Variants in AFF3 observed in about 807,000 individuals in gnomAD.
AFF3 encodes AF4/FMR2 family member 3.
A neutral mutation model predicts 129.7 loss-of-function variants in AFF3; 32 were observed. The ratio of observed to expected loss-of-function variants is 0.25; its 90% confidence interval spans 0.19 to 0.33. The LOEUF is 0.33. Among genes scored for constraint, AFF3 ranks in the 10% least tolerant of loss-of-function variants. The probability of loss-of-function intolerance (pLI) is 1.00; values close to 1 mark genes in which losing one functional copy is unlikely to be tolerated. For missense variants in AFF3, 1,373 were observed against 1,592.0 expected (o/e 0.86, Z 2.34); for synonymous variants, 644 against 635.4 (o/e 1.01, Z -0.20).
chr2:99,736,090 C>T (rs1294664688), intron 10 of AFF3, among the ~76,000 whole-genome samples: 5 of 152,108 alleles, frequency 3.3e-5, no homozygotes, highest in Admixed American at 6.5e-5. Flanking sequence ...TCCCTGTCTG[C>T]TTGAAAATAA....
chr2:99,606,205 C>T (rs776461891), intron 13 of AFF3, among the ~76,000 whole-genome samples: 1 of 152,144 alleles, frequency 6.6e-6, no homozygotes, highest in African/African-American at 2.4e-5. Flanking sequence ...GTCAAGGCTG[C>T]AGTAAACCAT....
At chr2:100,107,532 TG>T in intron 2 of AFF3, 1 of 983,988 alleles carries the variant, frequency 1.0e-6, no homozygotes, top group Non-Finnish European at 1.2e-6. Context: ...CCTTAGCTTT[TG>T]CTCATCCTAT....
chr2:99,888,490 A>C (rs1693289794), intron 7 of AFF3, among the ~76,000 whole-genome samples: 1 of 152,158 alleles, frequency 6.6e-6, no homozygotes. Context: ...TGTTACAATT[A>C]CTCTACTGTG....
chr2:100,041,996 A>G (rs1685469859), intron 4 of AFF3, among the ~76,000 whole-genome samples: 1 of 152,080 alleles, frequency 6.6e-6, no homozygotes, highest in African/African-American at 2.4e-5. Flanking sequence ...ATAAACGTTT[A>G]TCCAACCCCT....
At chr2:99,998,512 A>G (rs1178492419) in intron 7 of AFF3, among the ~76,000 whole-genome samples, 1 of 152,198 alleles carries the variant, frequency 6.6e-6, no homozygotes, top group Admixed American at 6.5e-5. Flanking sequence ...GGGCCTGTCT[A>G]TACCTTTTGT....
chr2:100,088,422 C>G (rs1689618518), intron 4 of AFF3, among the ~76,000 whole-genome samples: 1 of 152,116 alleles, frequency 6.6e-6, no homozygotes, highest in Non-Finnish European at 1.5e-5. Context: ...AAAGCTTCCT[C>G]TTTTAGTTTT....
intron 7 of AFF3, among the ~76,000 whole-genome samples, chr2:99,955,828 A>G (rs188191547): frequency 6.6e-6 from 1 of 152,318 alleles, no homozygotes; most frequent in Non-Finnish European, 1.5e-5. Context: ...AAGGGTACAA[A>G]AATCTCTCCT....
At chr2:100,074,511 A>T (rs1407217548) in intron 4 of AFF3, among the ~76,000 whole-genome samples, 1 of 152,236 alleles carries the variant, frequency 6.6e-6, no homozygotes, top group Admixed American at 6.5e-5. Context: ...TTTACAGTGG[A>T]TCCATACAGT....
chr2:100,100,761 A>G (rs1690664380), intron 4 of AFF3, among the ~76,000 whole-genome samples: 1 of 152,222 alleles, frequency 6.6e-6, no homozygotes, highest in Non-Finnish European at 1.5e-5. Flanking sequence ...AATGAAAGCA[A>G]CAGTTAGCCT....
chr2:99,624,681 A>G (rs1682372096), intron 13 of AFF3, among the ~76,000 whole-genome samples: 1 of 152,228 alleles, frequency 6.6e-6, no homozygotes, highest in African/African-American at 2.4e-5. Context: ...ATAGGTCAGG[A>G]ATTCTCCTTA....
chr2:99,947,579 A>AAAAGAAAGAAAG (rs1163104965), intron 7 of AFF3, among the ~76,000 whole-genome samples: 2 of 134,318 alleles, frequency 1.5e-5, no homozygotes, highest in African/African-American at 3.2e-5. Flanking sequence ...GAAAGAAAAG[A>AAAAGAAAGAAAG]AAAGAAAGAA....
At position 99,851,785 on chromosome 2, in the gene AFF3, C is replaced by A. The variant is rs140903900; in HGVS notation, c.874-14261G>T. 6.3e-3 allele frequency among the ~76,000 whole-genome samples: 967 copies of A among 152,306 alleles called. 10 individuals carry two copies. The highest frequency in any genetic ancestry group is 0.031 in the Middle Eastern group (9 of 294). On this transcript the variant is annotated intron_variant, in intron 7 of 24. Coordinates refer to ENST00000672756, the MANE Select transcript of AFF3 (RefSeq NM_001386135.1). ...CTTCACCTCCCACTGTACCTCTGAG[C>A]TGATAGATACAATTTGTTACTCCAT...
chr2:99,571,399 C>A (rs995636913), intron 18 of AFF3, among the ~76,000 whole-genome samples: 2 of 152,066 alleles, frequency 1.3e-5, no homozygotes, highest in African/African-American at 2.4e-5. Flanking sequence ...TTCCACCAGC[C>A]TTCTAAGTTA....
chr2:100,078,941 TTTC>T (rs1688816125), intron 4 of AFF3, among the ~76,000 whole-genome samples: 1 of 138,140 alleles, frequency 7.2e-6, no homozygotes, highest in African/African-American at 2.7e-5. Flanking sequence ...TGCTGAATAT[TTTC>T]TTTTTTTTTT....
At chr2:99,562,675 T>G (rs1347046784) in intron 20 of AFF3, among the ~76,000 whole-genome samples, 1 of 152,210 alleles carries the variant, frequency 6.6e-6, no homozygotes, top group Non-Finnish European at 1.5e-5. Context: ...ATGCCAGTGG[T>G]GACTGTCCTA....
intron 13 of AFF3, among the ~76,000 whole-genome samples, chr2:99,643,599 A>G (rs527720448): frequency 2.6e-5 from 4 of 152,244 alleles, no homozygotes; most frequent in African/African-American, 7.2e-5. Context: ...GTGACACATT[A>G]CCCAGAAAGG....
In AFF3 at chr2:99,601,536, A is replaced by T. The variant is rs1558630340; in HGVS notation, c.1270T>A (p.Ser424Thr). 1.2e-6 allele frequency: 2 copies of T among 1,603,514 alleles called. No homozygotes were observed. Among genetic ancestry groups the T allele is most frequent in the Admixed American group, 1.7e-5 (1 of 58,322 alleles). Residue 424 changes from serine (S) to threonine (T), a missense_variant, in exon 14 of 25, where the codon TCC (serine) becomes ACC (threonine). Ser to Thr is a moderately conservative substitution (Grantham distance 58). This residue lies in a region of AFF3 where 413 missense variants were observed against 424.4 expected (regional missense o/e 0.97). Transcript: ENST00000672756. ...GAGCTGCTCTCTGAGTCGCTGGAGG[A>T]GCTGCTGCTGCCGCTGCTGCTGCTG... ...SSSSSSGSSS[S>T]SSDSESSSGS...
chr2:99,888,784 T>C (rs1469060613), intron 7 of AFF3, among the ~76,000 whole-genome samples: 2 of 152,184 alleles, frequency 1.3e-5, no homozygotes, highest in South Asian at 2.1e-4. Flanking sequence ...AGCAATGTTA[T>C]TCTTGGGCCT....
intron 7 of AFF3, among the ~76,000 whole-genome samples, chr2:99,911,540 G>A (rs1292610370): frequency 1.3e-5 from 2 of 152,170 alleles, no homozygotes; most frequent in African/African-American, 4.8e-5. Context: ...GGGGTTTCCA[G>A]TGCCCTAGGA....
Sources: gnomAD v4.1 joint callset for allele counts (sites outside exome capture counted in the v4.1 genomes callset) on GRCh38, gnomAD v4.1.1 for gene constraint, gnomAD v4.1.1 regional missense constraint, MANE v1.5 for transcripts, NCBI Gene and HGNC (gene_info 2026-07-23, HGNC 2026-07-21) for gene names.